The following NPNT variants were observed in gnomAD, a reference collection of about 807,000 sequenced individuals.
NPNT encodes preosteoblast EGF-like repeat protein with MAM domain.
A neutral mutation model predicts 68.6 loss-of-function variants in NPNT; 45 were observed. The ratio of observed to expected loss-of-function variants is 0.66; its 90% CI spans 0.52 to 0.84. The LOEUF is 0.84. NPNT is among the 40% of genes least tolerant of loss of function. The pLI is 0.00. For missense variants in NPNT, 672 were observed against 714.8 expected (o/e 0.94, Z 0.68); for synonymous variants, 233 against 253.3 (o/e 0.92, Z 0.76).
At chr4:105,931,809 C>G (rs1331309146) in intron 3 of NPNT, among the ~76,000 whole-genome samples, 1 of 152,038 alleles carries the variant, frequency 6.6e-6, no homozygotes, top group East Asian at 1.9e-4. Flanking sequence ...GGCTGCACTC[C>G]AGCCTGGGCA....
rs567381350 is a variant in NPNT, at chr4:105,959,145, A to T, written c.1345+19A>T. The T allele has an allele frequency of 7.0e-5, 106 of 1,513,772 alleles. No individual in the cohort carries two copies. The East Asian group carries it at 2.1e-3, about 29-fold the overall frequency. 93.8% of individuals were successfully genotyped at this position (1,513,772 alleles called of 1,614,324 possible). On this transcript the variant is annotated intron_variant, in intron 10 of 11. Coordinates refer to ENST00000379987, the MANE Select transcript of NPNT (RefSeq NM_001033047.3). ...CCAGCAGGTAAAACCATTTCATTTA[A>T]CTTTTTCTGGTACACATTTCAATGT...
intron 8 of NPNT, among the ~76,000 whole-genome samples, chr4:105,947,799 G>A (rs1730504484): frequency 6.6e-6 from 1 of 152,080 alleles, no homozygotes; most frequent in Admixed American, 6.6e-5. Flanking sequence ...AAATGATCGA[G>A]TCAAAGATAT....
At chr4:105,943,290 A>C (rs775426282) in intron 8 of NPNT, among the ~76,000 whole-genome samples, 6 of 152,182 alleles carry the variant, frequency 3.9e-5, no homozygotes, top group Non-Finnish European at 8.8e-5. Context: ...TCCCGAGTGA[A>C]ACGGAGCAAA....
At chr4:105,953,562 T>C (rs1215489968) in intron 8 of NPNT, among the ~76,000 whole-genome samples, 1 of 152,202 alleles carries the variant, frequency 6.6e-6, no homozygotes, top group Non-Finnish European at 1.5e-5. Flanking sequence ...TCACTTAAAA[T>C]TGTGATGCAT....
chr4:105,958,859 T>G (rs1483604047), intron 9 of NPNT, 169 bp from the exon 10 acceptor site: 1 of 597,034 alleles, frequency 1.7e-6, no homozygotes, highest in Non-Finnish European at 3.0e-6. Flanking sequence ...TGATGCACTA[T>G]TGTGCTGAGA....
chr4:105,971,325 A>G lies in NPNT; in HGVS notation c.*2335A>G. On this transcript the variant is annotated 3_prime_UTR_variant, in exon 12 of 12. Coordinates refer to ENST00000379987, the MANE Select transcript of NPNT (RefSeq NM_001033047.3). ...TAATATTTTTTGAACAATAGGTACAATAGAAGGTCTTCTGTCATTTAACCT... is the reference window on the plus strand; with the variant it reads ...TAATATTTTTTGAACAATAGGTACAGTAGAAGGTCTTCTGTCATTTAACCT... 1 of 304,122 alleles carries G rather than the reference A, an allele frequency of 3.3e-6. No homozygotes were observed. Among genetic ancestry groups the G allele is most frequent in the South Asian group, 2.7e-5 (1 of 36,578 alleles). 18.8% of individuals were successfully genotyped at this position (304,122 alleles called of 1,614,324 possible).
At chr4:105,948,800 G>T (rs950510082) in intron 8 of NPNT, among the ~76,000 whole-genome samples, 2 of 151,994 alleles carry the variant, frequency 1.3e-5, no homozygotes, top group Non-Finnish European at 2.9e-5. Context: ...TTCTTACTGT[G>T]TTGCCCAGGC....
chr4:105,906,286 C>G (rs140646999), intron 2 of NPNT, among the ~76,000 whole-genome samples: 3,075 of 152,244 alleles, frequency 0.02, 107 homozygotes, highest in African/African-American at 0.069. Flanking sequence ...TAGTTCTGAA[C>G]GAAGACTTTC....
At chr4:105,948,939 T>C (rs1730598944) in intron 8 of NPNT, among the ~76,000 whole-genome samples, 1 of 152,024 alleles carries the variant, frequency 6.6e-6, no homozygotes, top group Non-Finnish European at 1.5e-5. Flanking sequence ...TTTTTTTAGG[T>C]TATATGACTA....
chr4:105,954,317 G>A (rs545817247), intron 8 of NPNT, among the ~76,000 whole-genome samples: 2 of 152,262 alleles, frequency 1.3e-5, no homozygotes, highest in South Asian at 2.1e-4. Flanking sequence ...GAAGCAACAG[G>A]CAAGACATAT....
chr4:105,967,100 A>G (rs188667032), intron 10 of NPNT, 88 bp from the exon 11 acceptor site: 55 of 1,383,298 alleles, frequency 4.0e-5, no homozygotes, highest in African/African-American at 1.9e-4. Flanking sequence ...GAAAAGAAAA[A>G]AAAAAAAAAA....
intron 2 of NPNT, among the ~76,000 whole-genome samples, chr4:105,926,417 A>T (rs1022846037): frequency 2.0e-5 from 3 of 152,094 alleles, no homozygotes; most frequent in Non-Finnish European, 4.4e-5. Context: ...GGGCTGGATA[A>T]TTTGTTGTGG....
chr4:105,925,494 T>C (rs1728613821), intron 2 of NPNT, among the ~76,000 whole-genome samples: 1 of 151,740 alleles, frequency 6.6e-6, no homozygotes, highest in Non-Finnish European at 1.5e-5. Flanking sequence ...GAAAAAAAAA[T>C]AACATGCACA....
chr4:105,928,782 CAT>C (rs10540318), intron 3 of NPNT, among the ~76,000 whole-genome samples: 126,641 of 151,724 alleles, frequency 0.83, 54,267 homozygotes, highest in East Asian at 1. Flanking sequence ...GTGAAATAAT[CAT>C]ATGGTGTCTA....
chr4:105,956,441 G>A (rs553589335), intron 8 of NPNT, among the ~76,000 whole-genome samples: 38 of 151,866 alleles, frequency 2.5e-4, no homozygotes, highest in Admixed American at 7.9e-4. Flanking sequence ...ATCAACACTC[G>A]ATTTGCCATT....
At position 105,897,946 on chromosome 4, in the gene NPNT, T is replaced by C; in HGVS notation, c.117T>C (p.Gly39=). 1.2e-6 allele frequency: 2 copies of C among 1,613,718 alleles called. No individual in the cohort carries two copies. The highest frequency in any genetic ancestry group is 1.7e-6 in the Non-Finnish European group (2 of 1,179,856). Residue 39 remains glycine, a synonymous_variant, in exon 2 of 12, where the codon GGT becomes GGC. Coordinates refer to ENST00000379987, the MANE Select transcript of NPNT (RefSeq NM_001033047.3). Reference sequence around the variant, plus strand: ...CATCGATTGGCCTATGTCGTTATGGTGGGAGGATTGACTGCTGCTGGGGCT... The same window carrying C: ...CATCGATTGGCCTATGTCGTTATGGCGGGAGGATTGACTGCTGCTGGGGCT... ...IVSSIGLCRY[G]GRIDCCWGWA...
chr4:105,940,576 C>T lies in NPNT; in HGVS notation c.703C>T (p.Arg235Cys), dbSNP rs1343274076. The T allele has an allele frequency of 4.3e-6, 7 of 1,612,188 alleles. No homozygotes were observed. Among genetic ancestry groups the T allele is most frequent in the Non-Finnish European group, 5.1e-6 (6 of 1,178,372 alleles). ...CAGCTTTGCTCGATGTTATAACATA[C>T]GTGGGTCCTACAAGTGCAAATGTAA... is the stretch of plus-strand genomic sequence containing the variant. ...CSSFARCYNI[R>C]GSYKCKCKEG... is the part of the protein sequence containing the mutation. Residue 235 changes from arginine (R) to cysteine (C), a missense_variant, in exon 7 of 12, where the codon CGT becomes TGT. Arg to Cys is a radical substitution (Grantham distance 180). Transcript: ENST00000379987.
chr4:105,968,399 T>C (rs1417775412), intron 11 of NPNT, among the ~76,000 whole-genome samples: 1 of 152,192 alleles, frequency 6.6e-6, no homozygotes, highest in Admixed American at 6.5e-5. Context: ...ATAATAAAAG[T>C]TTTTGGTTTT....
At position 105,942,569 on chromosome 4, in the gene NPNT, A is replaced by G. The variant is rs1730067455; in HGVS notation, c.1026A>G (p.Leu342=). The change falls in exon 8 of 12, where the codon CTA becomes CTG. Residue 342 remains leucine (L), a synonymous_variant. Transcript: ENST00000379987. The stretch of plus-strand genomic sequence containing the variant: ...TGCCAACAGAGCTCAGAACACCTCT[A>G]CCACCTACAACCCCAGAAAGGCCAA... ...PPLPTELRTP[L]PPTTPERPTT... 7 of 1,614,036 alleles carry G rather than the reference A, an allele frequency of 4.3e-6. No individual in the cohort carries two copies. The highest frequency in any genetic ancestry group is 5.9e-6 in the Non-Finnish European group (7 of 1,179,998).
Sources: allele counts gnomAD v4.1 joint callset (sites outside exome capture counted in the v4.1 genomes callset), GRCh38; gene constraint gnomAD v4.1.1; transcripts MANE v1.5; gene names NCBI Gene and HGNC (gene_info 2026-07-23, HGNC 2026-07-21).